MAML2: variants seen among roughly 807,000 people sequenced by gnomAD.
MAML2 encodes the protein mastermind like transcriptional coactivator 2, also known as mastermind-like protein 2.
A neutral mutation model predicts 96.1 loss-of-function variants in MAML2; 22 were observed. The ratio of observed to expected loss-of-function variants is 0.23; its 90% CI spans 0.16 to 0.33. The LOEUF is 0.33. Ranked by LOEUF, MAML2 falls within the 10% of genes least tolerant of loss-of-function variation. The pLI, the probability that MAML2 is intolerant of heterozygous loss-of-function variation, is 1.00. For synonymous variants in MAML2, 561 were observed against 521.3 expected (o/e 1.08, Z -1.04); for missense variants, 1,367 against 1,392.4 (o/e 0.98, Z 0.29).
chr11:96,273,895 CTAAACTCTTTGG>C (rs1354143745), intron 1 of MAML2, among the ~76,000 whole-genome samples: 4 of 152,084 alleles, frequency 2.6e-5, no homozygotes, highest in Admixed American at 2.6e-4. Context: ...TTTTCATTTA[CTAAACTCTTTGG>C]ATTGTTGCAG....
intron 1 of MAML2, among the ~76,000 whole-genome samples, chr11:96,117,739 G>A (rs1198532732): frequency 6.6e-6 from 1 of 152,194 alleles, no homozygotes; most frequent in Admixed American, 6.5e-5. Flanking sequence ...AACAAAAATG[G>A]TCTACAATCT....
At position 96,111,170 on chromosome 11, in the gene MAML2, T is replaced by A. The variant is rs374342228; in HGVS notation, c.514-17653A>T. 2.6e-5 allele frequency among the ~76,000 whole-genome samples: 4 copies of A among 152,330 alleles called. No individual in the cohort carries two copies. In the East Asian group the frequency reaches 7.7e-4, roughly 29 times the overall value. On this transcript the variant is annotated intron_variant, in intron 1 of 4. Transcript: ENST00000524717. ...TCTGTGCTCACATAGTAAGCACACA[T>A]CATTTTATTTCTTGCTTTTGCTTCC... is the stretch of plus-strand genomic sequence containing the variant.
intron 1 of MAML2, among the ~76,000 whole-genome samples, chr11:96,163,979 C>G (rs1193546755): frequency 1.3e-5 from 2 of 151,542 alleles, no homozygotes; most frequent in African/African-American, 4.9e-5. Flanking sequence ...TCTCCTACCT[C>G]AGCCTCCTGA....
intron 1 of MAML2, among the ~76,000 whole-genome samples, chr11:96,096,260 A>G (rs1043066546): frequency 7.9e-5 from 12 of 152,152 alleles, no homozygotes; most frequent in African/African-American, 2.9e-4. Flanking sequence ...GGGAAACAGC[A>G]CTCACACTTT....
intron 1 of MAML2, among the ~76,000 whole-genome samples, chr11:96,314,444 T>C (rs1198021935): frequency 6.6e-6 from 1 of 152,246 alleles, no homozygotes; most frequent in East Asian, 1.9e-4. Flanking sequence ...TTGTTTAACA[T>C]TTCCTCATAC....
At chr11:96,259,434 G>A (rs1456175298) in intron 1 of MAML2, among the ~76,000 whole-genome samples, 1 of 152,184 alleles carries the variant, frequency 6.6e-6, no homozygotes, top group Non-Finnish European at 1.5e-5. Flanking sequence ...ACCCTTTAAA[G>A]TGAAAACTGT....
At chr11:95,989,577 G>A (rs1857879632) in intron 3 of MAML2, among the ~76,000 whole-genome samples, 1 of 152,144 alleles carries the variant, frequency 6.6e-6, no homozygotes, top group Non-Finnish European at 1.5e-5. Context: ...TACCCAGTAA[G>A]TCAACCTTAG....
rs1272160705 is a variant in MAML2 at position 95,983,032 on chromosome 11, G to A, written c.2455+2499C>T. On this transcript the variant is annotated intron_variant, in intron 4 of 4. Transcript: ENST00000524717. The stretch of plus-strand genomic sequence containing the variant: ...ATGCTTTCAATAATTATTTTGGAGT[G>A]TACTCCTTCTACTTATACAAAAAGT... Among the ~76,000 whole-genome samples the A allele has an allele frequency of 3.3e-5, 5 of 152,156 alleles. No individual in the cohort carries two copies. In the South Asian group the frequency reaches 6.2e-4, roughly 19 times the overall value.
intron 1 of MAML2, among the ~76,000 whole-genome samples, chr11:96,148,617 G>A (rs779421670): frequency 3.4e-4 from 51 of 148,742 alleles, no homozygotes; most frequent in Admixed American, 8.2e-4. Context: ...ATGAAGTGGG[G>A]AAATGTCCTT....
At chr11:96,020,605 A>T (rs1278559222) in intron 2 of MAML2, among the ~76,000 whole-genome samples, 3 of 152,216 alleles carry the variant, frequency 2.0e-5, no homozygotes, top group Non-Finnish European at 4.4e-5. Context: ...GATGCAGTGG[A>T]TCCGCAGGCC....
rs750668428 is a variant in MAML2 at position 95,991,701 on chromosome 11, T to C, written c.2162A>G (p.Gln721Arg). The C allele has an allele frequency of 1.2e-6, 2 of 1,613,590 alleles. No individual in the cohort carries two copies. Among genetic ancestry groups the C allele is most frequent in the South Asian group, 2.2e-5 (2 of 91,080 alleles). The change falls in exon 3 of 5, where the codon CAG becomes CGG. Residue 721 changes from glutamine to arginine, a missense_variant. Gln to Arg is a conservative substitution (Grantham distance 43). Transcript: ENST00000524717. ...QRQDQHSVVG[Q>R]NTGPSPSPNP... ...AGGACTTGGACTGGGGCCTGTGTTCTGGCCTACCACAGAGTGTTGATCCTA... is the reference window on the plus strand; with the variant it reads ...AGGACTTGGACTGGGGCCTGTGTTCCGGCCTACCACAGAGTGTTGATCCTA...
chr11:96,224,051 TC>T (rs1355930188), intron 1 of MAML2, among the ~76,000 whole-genome samples: 8 of 152,206 alleles, frequency 5.3e-5, no homozygotes, highest in South Asian at 2.1e-4. Context: ...CAACCCTAGA[TC>T]TGACTTGTCA....
intron 1 of MAML2, among the ~76,000 whole-genome samples, chr11:96,281,885 C>A (rs966576632): frequency 5.9e-5 from 9 of 151,736 alleles, no homozygotes; most frequent in Non-Finnish European, 1.0e-4. Flanking sequence ...AAACAAAAAA[C>A]AACAAAAACA....
At chr11:96,284,840 T>G (rs1863116552) in intron 1 of MAML2, among the ~76,000 whole-genome samples, 1 of 152,260 alleles carries the variant, frequency 6.6e-6, no homozygotes, top group Admixed American at 6.5e-5. Flanking sequence ...CTCATCACTC[T>G]ATAATAATAT....
At chr11:96,232,716 C>T (rs922367556) in intron 1 of MAML2, among the ~76,000 whole-genome samples, 3 of 152,194 alleles carry the variant, frequency 2.0e-5, no homozygotes, top group Non-Finnish European at 4.4e-5. Flanking sequence ...CGCGATCCGC[C>T]TATCTCAGCC....
chr11:96,182,961 T>C (rs919563575), intron 1 of MAML2, among the ~76,000 whole-genome samples: 6 of 143,792 alleles, frequency 4.2e-5, no homozygotes, highest in African/African-American at 1.3e-4. Context: ...TCTTTTCTTT[T>C]TTTTTTTTTT....
At chr11:96,167,170 T>C (rs1166753070) in intron 1 of MAML2, among the ~76,000 whole-genome samples, 6 of 152,230 alleles carry the variant, frequency 3.9e-5, no homozygotes, top group African/African-American at 1.2e-4. Flanking sequence ...GTTAATGCCA[T>C]TGCCATTTGT....
At chr11:96,287,650 G>C (rs189226874) in intron 1 of MAML2, among the ~76,000 whole-genome samples, 1 of 152,102 alleles carries the variant, frequency 6.6e-6, no homozygotes, top group Non-Finnish European at 1.5e-5. Flanking sequence ...TCATGGTCCC[G>C]ACAGACAATC....
chr11:96,248,378 C>T (rs1862538656), intron 1 of MAML2, among the ~76,000 whole-genome samples: 1 of 152,124 alleles, frequency 6.6e-6, no homozygotes, highest in Non-Finnish European at 1.5e-5. Context: ...TCCCAAAGTG[C>T]TGAGATTACA....
Sources: gnomAD v4.1 joint callset for allele counts (sites outside exome capture counted in the v4.1 genomes callset) on GRCh38, gnomAD v4.1.1 for gene constraint, MANE v1.5 for transcripts, NCBI Gene and HGNC (gene_info 2026-07-23, HGNC 2026-07-21) for gene names.